ADGRL3: variants seen among roughly 807,000 people sequenced by gnomAD.
ADGRL3 encodes calcium-independent alpha-latrotoxin receptor 3.
ADGRL3 carries 62 observed loss-of-function variants against 153.5 expected under a neutral mutation model. The observed-to-expected ratio is 0.40, with a 90% confidence interval of 0.33 to 0.50. ADGRL3 has a LOEUF of 0.50. Among genes scored for constraint, ADGRL3 ranks in the 20% least tolerant of loss-of-function variants. The pLI, the probability that ADGRL3 is intolerant of heterozygous loss-of-function variation, is 0.47. For missense variants in ADGRL3, 1,641 were observed against 1,859.4 expected (o/e 0.88, Z 2.16); for synonymous variants, 710 against 672.5 (o/e 1.06, Z -0.86).
intron 1 of ADGRL3, among the ~76,000 whole-genome samples, chr4:61,267,338 G>C (rs1383247726): frequency 6.6e-6 from 1 of 151,714 alleles, no homozygotes; most frequent in Admixed American, 6.6e-5. Flanking sequence ...ATTCATGTGT[G>C]TTAAATAAGA....
At chr4:61,327,855 A>G (rs79729147) in intron 1 of ADGRL3, among the ~76,000 whole-genome samples, 1,817 of 152,238 alleles carry the variant, frequency 0.012, 35 homozygotes, top group African/African-American at 0.041. Context: ...TTATTAATCC[A>G]TGATGATGTT....
intron 1 of ADGRL3, among the ~76,000 whole-genome samples, chr4:61,345,514 AC>A (rs1319979832): frequency 6.6e-6 from 1 of 152,210 alleles, no homozygotes; most frequent in Admixed American, 6.5e-5. Flanking sequence ...TGTAAGACAA[AC>A]AAAAAACTCA....
At chr4:61,232,558 C>A (rs541348624) in intron 1 of ADGRL3, among the ~76,000 whole-genome samples, 2 of 152,114 alleles carry the variant, frequency 1.3e-5, no homozygotes, top group Non-Finnish European at 2.9e-5. Flanking sequence ...ATCCACCTTC[C>A]TTGGCCTCCC....
intron 5 of ADGRL3, among the ~76,000 whole-genome samples, chr4:61,628,655 C>A (rs970763140): frequency 3.3e-5 from 5 of 152,062 alleles, no homozygotes; most frequent in Non-Finnish European, 7.4e-5. Context: ...ATGGTTGGTT[C>A]TTTTCTCCTG....
At chr4:61,867,367 G>A (rs901822885) in intron 9 of ADGRL3, among the ~76,000 whole-genome samples, 12 of 151,088 alleles carry the variant, frequency 7.9e-5, no homozygotes, top group African/African-American at 2.4e-4. Flanking sequence ...GGAGTGGTGG[G>A]CTCATGCCTG....
chr4:61,556,122 G>A lies in ADGRL3; in HGVS notation c.260-31105G>A, dbSNP rs549843062. 9.4e-4 allele frequency among the ~76,000 whole-genome samples: 143 copies of A among 152,186 alleles called. 1 individual carries two copies. Among genetic ancestry groups the A allele is most frequent in the African/African-American group, 3.1e-3 (127 of 41,530 alleles). On this transcript the variant is annotated intron_variant, in intron 4 of 26. Transcript: ENST00000683033. ...GCTCTGGTTCACACGCCTCTGACAG[G>A]AGCAGAGAGAGAATAGAAGTATGAA...
At chr4:61,603,036 G>A (rs1323964712) in intron 5 of ADGRL3, among the ~76,000 whole-genome samples, 1 of 152,102 alleles carries the variant, frequency 6.6e-6, no homozygotes, top group Non-Finnish European at 1.5e-5. Context: ...TTCTATTAAA[G>A]TAAGATATTT....
intron 1 of ADGRL3, among the ~76,000 whole-genome samples, chr4:61,377,592 G>A (rs2096618934): frequency 6.6e-6 from 1 of 151,806 alleles, no homozygotes; most frequent in Non-Finnish European, 1.5e-5. Context: ...AAAAGGTGAG[G>A]GATTTTTTTC....
In ADGRL3 at chr4:61,284,137, G is replaced by A. The variant is rs74668084; in HGVS notation, c.-240+82372G>A. 6.6e-5 allele frequency among the ~76,000 whole-genome samples: 10 copies of A among 152,030 alleles called. No individual in the cohort carries two copies. The East Asian group carries it at 1.9e-3, about 29-fold the overall frequency. On this transcript the variant is annotated intron_variant, in intron 1 of 26. Coordinates refer to ENST00000683033, the MANE Select transcript of ADGRL3 (RefSeq NM_001387552.1). ...TTAATTGATGTAAAGGGATACTTAT[G>A]TTCTTAACTCCAGATACCTTACAAA...
In ADGRL3 at chr4:61,550,948, G is replaced by A. The variant is rs569534751; in HGVS notation, c.259+33430G>A. 2.5e-4 allele frequency among the ~76,000 whole-genome samples: 38 copies of A among 152,172 alleles called. No homozygotes were observed. In the South Asian group the frequency reaches 7.2e-3, roughly 29 times the overall value. On this transcript the variant is annotated intron_variant, in intron 4 of 26. Transcript: ENST00000683033. ...ACATATCTCACTACTTAGATTATAAGTTAAGCTGGCCACAGGGCCCGCCTT... is the reference window on the plus strand; with the variant it reads ...ACATATCTCACTACTTAGATTATAAATTAAGCTGGCCACAGGGCCCGCCTT...
intron 1 of ADGRL3, among the ~76,000 whole-genome samples, chr4:61,358,799 T>A (rs2151459477): frequency 6.6e-6 from 1 of 152,236 alleles, no homozygotes; most frequent in Admixed American, 6.5e-5. Flanking sequence ...GTGTTTTCTA[T>A]ATTCACTTCC....
intron 21 of ADGRL3, among the ~76,000 whole-genome samples, chr4:62,006,032 A>ATATATATATT (rs1203029363): frequency 1.8e-4 from 13 of 73,080 alleles, no homozygotes; most frequent in South Asian, 5.4e-4. Flanking sequence ...ATATATATAT[A>ATATATATATT]TTTTTTTTTT....
intron 6 of ADGRL3, among the ~76,000 whole-genome samples, chr4:61,699,667 G>A (rs1260437048): frequency 6.6e-6 from 1 of 152,004 alleles, no homozygotes; most frequent in Non-Finnish European, 1.5e-5. Context: ...TTGTATGTTC[G>A]ACATTTTTGA....
At chr4:61,456,403 CTA>C (rs370077212) in intron 2 of ADGRL3, among the ~76,000 whole-genome samples, 12,254 of 58,344 alleles carry the variant, frequency 0.21, 1,484 homozygotes, top group South Asian at 0.25. Context: ...ATATCTATAT[CTA>C]TATATATATA....
At chr4:61,909,535 T>C (rs1319808494) in intron 11 of ADGRL3, 25 bp from the exon 12 acceptor site, 3 of 1,556,888 alleles carry the variant, frequency 1.9e-6, no homozygotes, top group Admixed American at 1.7e-5. Flanking sequence ...ATCTCTTTCC[T>C]TTGTATTCCA....
chr4:61,617,674 C>A (rs942933268), intron 5 of ADGRL3, among the ~76,000 whole-genome samples: 13 of 152,194 alleles, frequency 8.5e-5, no homozygotes, highest in Admixed American at 2.0e-4. Flanking sequence ...AGCATCTGCT[C>A]CCAAATCAAG....
chr4:61,769,599 G>C (rs1238829187), intron 8 of ADGRL3, among the ~76,000 whole-genome samples: 1 of 152,140 alleles, frequency 6.6e-6, no homozygotes, highest in Non-Finnish European at 1.5e-5. Flanking sequence ...CAACATGGCT[G>C]TTGCTCACTT....
chr4:61,211,513 A>T (rs573995656), intron 1 of ADGRL3: 10 of 152,240 alleles, frequency 6.6e-5, no homozygotes, highest in African/African-American at 2.4e-4. Context: ...TGTTGTTCAC[A>T]CAAAAAGAAA....
intron 15 of ADGRL3, 123 bp downstream of exon 15, chr4:61,936,168 T>A (rs2098837475): frequency 1.9e-6 from 2 of 1,040,718 alleles, no homozygotes; most frequent in Non-Finnish European, 2.9e-6. Flanking sequence ...CCTACACTAT[T>A]CTCTTTCTCC....
Sources: gnomAD v4.1 joint callset for allele counts (sites outside exome capture counted in the v4.1 genomes callset) on GRCh38, gnomAD v4.1.1 for gene constraint, MANE v1.5 for transcripts, NCBI Gene and HGNC (gene_info 2026-07-23, HGNC 2026-07-21) for gene names.